TMEM138: variants seen among roughly 807,000 people sequenced by gnomAD.
TMEM138 encodes the protein transmembrane protein 138.
In TMEM138, 9 loss-of-function variants were observed where a neutral mutation model predicts 18.1. The observed-to-expected ratio is 0.50, with a 90% CI of 0.30 to 0.87. The LOEUF is 0.87. TMEM138 is among the 40% of genes least tolerant of loss of function. The pLI is 0.06. For missense variants in TMEM138, 189 were observed against 190.6 expected (o/e 0.99, Z 0.05); for synonymous variants, 79 against 74.8 (o/e 1.06, Z -0.29).
chr11:61,370,338 C>A (rs1858305980), downstream of TMEM138, among the ~76,000 whole-genome samples: 1 of 152,184 alleles, frequency 6.6e-6, no homozygotes, highest in African/African-American at 2.4e-5. Flanking sequence ...TTTTGGACCT[C>A]CTAAGGCCAG....
chr11:61,366,057 TG>T lies in TMEM138; in HGVS notation c.142del (p.Ala48GlnfsTer37). ...TTTATGTCTACAGCATCCAGGATAT[TG>T]CAGTCCTCTTCAACATCATCATCAT... is the stretch of plus-strand genomic sequence containing the variant. The part of the protein sequence containing the change: ...QLVLFIIQDI[A>X]VLFNIIIIFL... On this transcript the variant is annotated frameshift_variant, in exon 3 of 5. Transcript: ENST00000278826. LOFTEE classifies it high-confidence loss of function. 1 of 1,613,680 alleles carries T rather than the reference TG, an allele frequency of 6.2e-7. No individual in the cohort carries two copies. The highest frequency in any genetic ancestry group is 1.1e-5 in the South Asian group (1 of 90,970).
At position 61,364,291 on chromosome 11, in the gene TMEM138, G is replaced by T; in HGVS notation, c.-100G>T. 1 of 1,441,110 alleles carries T rather than the reference G, an allele frequency of 6.9e-7. No individual in the cohort carries two copies. Among genetic ancestry groups the T allele is most frequent in the Non-Finnish European group, 9.4e-7 (1 of 1,062,544 alleles). 89.3% of individuals were successfully genotyped at this position (1,441,110 alleles called of 1,614,324 possible). Reference sequence around the variant, plus strand: ...GCAAGGGAAACAGCTCTCATTCAAAGGAACTAGAAGCCTCTCCCTCAGTGG... The same window carrying T: ...GCAAGGGAAACAGCTCTCATTCAAATGAACTAGAAGCCTCTCCCTCAGTGG... On this transcript the variant is annotated 5_prime_UTR_variant, in exon 2 of 5. It adds an upstream start codon to the 5' untranslated region. Coordinates refer to ENST00000278826, the MANE Select transcript of TMEM138 (RefSeq NM_016464.5).
chr11:61,364,616 C>T (rs914055776), intron 2 of TMEM138, 98 bp downstream of exon 2: 53 of 1,509,070 alleles, frequency 3.5e-5, no homozygotes, highest in Non-Finnish European at 4.5e-5. Flanking sequence ...AGGCTGGGTA[C>T]GGTGGCTCAC....
chr11:61,367,925 CT>C lies in TMEM138; in HGVS notation c.305del (p.Leu102TyrfsTer24). Reference sequence around the variant, plus strand: ...TGTGTATCTCACATCTCCTTCAGAACTTACGCTGGAAAAACTCCAACAGCTT... The same window carrying C: ...TGTGTATCTCACATCTCCTTCAGAACTACGCTGGAAAAACTCCAACAGCTT... The part of the protein sequence containing the change: ...SISLHVWVMN[L>X]RWKNSNSFIW... On this transcript the variant is annotated frameshift_variant, in exon 4 of 5. Transcript: ENST00000278826. LOFTEE classifies it high-confidence loss of function. 3.1e-6 allele frequency: 5 copies of C among 1,610,250 alleles called. No individual in the cohort carries two copies. Among genetic ancestry groups the C allele is most frequent in the Non-Finnish European group, 4.2e-6 (5 of 1,176,596 alleles).
In TMEM138 at chr11:61,364,235, T is replaced by A. The variant is rs1350438509; in HGVS notation, c.-139-17T>A. On this transcript the variant is annotated splice_polypyrimidine_tract_variant and intron_variant, in intron 1 of 4. Transcript: ENST00000278826. ...ATTAATACATTTCTAACCTTGCTTA[T>A]CTTTTTGCTCCAACAGGTGCTTGCC... 2.5e-6 allele frequency: 2 copies of A among 804,126 alleles called. No homozygotes were observed. Among genetic ancestry groups the A allele is most frequent in the African/African-American group, 3.4e-5 (2 of 58,050 alleles). 49.8% of individuals were successfully genotyped at this position (804,126 alleles called of 1,614,324 possible). A position where few individuals can be genotyped will look rare whatever the true frequency, so the allele number is the denominator to read the frequency against.
At chr11:61,363,497 A>G (rs1257923655) in intron 1 of TMEM138, 1 of 152,228 alleles carries the variant, frequency 6.6e-6, no homozygotes, top group Non-Finnish European at 1.5e-5. Flanking sequence ...ATTTCTTTAT[A>G]GATTTGGCAC....
At chr11:61,365,779 A>G (rs1432625926) in intron 2 of TMEM138, 6 of 337,418 alleles carry the variant, frequency 1.8e-5, no homozygotes, top group Non-Finnish European at 3.2e-5. Context: ...TATGGAAGAA[A>G]TTTTAAAAAT....
chr11:61,364,381 C>G lies in TMEM138; in HGVS notation c.-10C>G. The G allele has an allele frequency of 6.2e-7, 1 of 1,613,730 alleles. No homozygotes were observed. Among genetic ancestry groups the G allele is most frequent in the African/African-American group, 1.3e-5 (1 of 75,034 alleles). Reference sequence around the variant, plus strand: ...ATGTGCCCTTGGGGGCCCGAGAAAACAGAAGGAAGATGCTCCAGACCAGTA... The same window carrying G: ...ATGTGCCCTTGGGGGCCCGAGAAAAGAGAAGGAAGATGCTCCAGACCAGTA... On this transcript the variant is annotated 5_prime_UTR_variant, in exon 2 of 5. Transcript: ENST00000278826.
chr11:61,368,890 G>A lies in TMEM138; in HGVS notation c.*181G>A, dbSNP rs919731532. On this transcript the variant is annotated 3_prime_UTR_variant, in exon 5 of 5. Coordinates refer to ENST00000278826, the MANE Select transcript of TMEM138 (RefSeq NM_016464.5). ...CTTGCACAATTAGAGTGTCCCCATCGGTCTCCAGTGCGGCATCCCTTCCTT... is the reference window on the plus strand; with the variant it reads ...CTTGCACAATTAGAGTGTCCCCATCAGTCTCCAGTGCGGCATCCCTTCCTT... 12 of 605,070 alleles carry A rather than the reference G, an allele frequency of 2.0e-5. No individual in the cohort carries two copies. Among genetic ancestry groups the A allele is most frequent in the Admixed American group, 7.7e-5 (3 of 38,776 alleles). 37.5% of individuals were successfully genotyped at this position (605,070 alleles called of 1,614,324 possible).
At chr11:61,372,334 C>G (rs143693669), downstream of TMEM138, among the ~76,000 whole-genome samples, 232 of 151,970 alleles carry the variant, frequency 1.5e-3, 5 homozygotes, top group East Asian at 0.034. Context: ...TGGAGTCTCA[C>G]TCTGTCTCCC....
At position 61,368,938 on chromosome 11, in the gene TMEM138, C is replaced by T. The variant is rs141443394; in HGVS notation, c.*229C>T. On this transcript the variant is annotated 3_prime_UTR_variant, in exon 5 of 5. Coordinates refer to ENST00000278826, the MANE Select transcript of TMEM138 (RefSeq NM_016464.5). ...CTTGCCTTCTACCTCTGTTCCACCC[C>T]CTTTCCTTCCTTTCCTCTCTGTACC... is the stretch of plus-strand genomic sequence containing the variant. 9 of 527,046 alleles carry T rather than the reference C, an allele frequency of 1.7e-5. No homozygotes were observed. In the Admixed American group the frequency reaches 2.8e-4, roughly 17 times the overall value. 32.6% of individuals were successfully genotyped at this position (527,046 alleles called of 1,614,324 possible). A position where few individuals can be genotyped will look rare whatever the true frequency, so the allele number is the denominator to read the frequency against.
chr11:61,364,677 C>A, intron 2 of TMEM138, 159 bp downstream of exon 2: 1 of 1,027,232 alleles, frequency 9.7e-7, no homozygotes, highest in Non-Finnish European at 1.4e-6. Context: ...TCTTTTGAGG[C>A]TGGGAGTTTG....
At chr11:61,364,561 T>G (rs765470701) in intron 2 of TMEM138, 43 bp downstream of exon 2, 1 of 1,611,718 alleles carries the variant, frequency 6.2e-7, no homozygotes, top group Non-Finnish European at 8.5e-7. Flanking sequence ...CCCACGCAAT[T>G]CAAAGGCCCT....
At chr11:61,373,617 T>G (rs1336533239), downstream of TMEM138, among the ~76,000 whole-genome samples, 1 of 152,092 alleles carries the variant, frequency 6.6e-6, no homozygotes. Context: ...AAAATCAAAT[T>G]ATAAATAATG....
downstream of TMEM138, among the ~76,000 whole-genome samples, chr11:61,374,810 G>A (rs558820177): frequency 1.2e-4 from 19 of 152,266 alleles, no homozygotes; most frequent in African/African-American, 4.3e-4. Context: ...TTAGCTGGGC[G>A]TGGTGGCAGG....
At chr11:61,364,574 C>T in intron 2 of TMEM138, 56 bp downstream of exon 2, 3 of 1,608,142 alleles carry the variant, frequency 1.9e-6, no homozygotes, top group Non-Finnish European at 2.5e-6. Flanking sequence ...AAGGCCCTGA[C>T]AGTGGTGATT....
chr11:61,374,143 CTTT>C (rs768260657), downstream of TMEM138, among the ~76,000 whole-genome samples: 3 of 125,630 alleles, frequency 2.4e-5, no homozygotes, highest in Admixed American at 8.2e-5. Context: ...GCGCCCAGTC[CTTT>C]TTTTTTTTTT....
At chr11:61,370,422 T>C (rs1315913734), downstream of TMEM138, among the ~76,000 whole-genome samples, 3 of 152,210 alleles carry the variant, frequency 2.0e-5, no homozygotes, top group Non-Finnish European at 4.4e-5. Context: ...AAATGGCGAT[T>C]TTCTTTGTAT....
At chr11:61,366,353 C>A in intron 3 of TMEM138, 137 bp downstream of exon 3, 1 of 991,496 alleles carries the variant, frequency 1.0e-6, no homozygotes, top group Non-Finnish European at 1.4e-6. Context: ...TCAAGCAATT[C>A]TCCTGCTTCT....
Sources: allele counts gnomAD v4.1 joint callset (sites outside exome capture counted in the v4.1 genomes callset), GRCh38; gene constraint gnomAD v4.1.1; transcripts MANE v1.5; gene names NCBI Gene and HGNC (gene_info 2026-07-23, HGNC 2026-07-21).